The following USP30 variants were observed in gnomAD, a reference collection of about 807,000 sequenced individuals.
The protein encoded by USP30 is ubiquitin specific peptidase 30.
Under a neutral mutation model 68.2 loss-of-function variants are expected in USP30, and 41 were observed. The observed-to-expected ratio is 0.60, with a 90% CI of 0.47 to 0.78. The LOEUF is 0.78. Ranked by LOEUF, USP30 falls within the 30% of genes least tolerant of loss-of-function variation. The pLI, the probability that USP30 is intolerant of heterozygous loss-of-function variation, is 0.00. For synonymous variants in USP30, 229 were observed against 253.7 expected, an observed-to-expected ratio of 0.90 and a Z score of 0.93; for missense variants, 522 against 649.4, an observed-to-expected ratio of 0.80 and a Z score of 2.13.
chr12:109,061,156 C>T lies in USP30; in HGVS notation c.376+3048C>T, dbSNP rs1365357778. Among the ~76,000 whole-genome samples, 3 of 152,126 alleles carry T rather than the reference C, an allele frequency of 2.0e-5. No homozygotes were observed. In the East Asian group the frequency reaches 5.8e-4, roughly 29 times the overall value. On this transcript the variant is annotated intron_variant, in intron 3 of 12. Transcript: ENST00000257548. ...TGTAACAGAAATGTATATGATGTTA[C>T]ATTAGGATTAAAGACAGGAGTATTC... is the stretch of plus-strand genomic sequence containing the variant.
intron 3 of USP30, among the ~76,000 whole-genome samples, chr12:109,031,011 G>C (rs1693720256): frequency 6.6e-6 from 1 of 152,026 alleles, no homozygotes. Flanking sequence ...GCTGAGCAAA[G>C]GGTATACCAG....
chr12:109,077,119 A>C (rs1421653161), intron 7 of USP30, among the ~76,000 whole-genome samples: 1 of 152,092 alleles, frequency 6.6e-6, no homozygotes, highest in Non-Finnish European at 1.5e-5. Flanking sequence ...ATATTATTGA[A>C]TTTGATTTGC....
At chr12:109,080,427 T>G (rs992135780) in intron 7 of USP30, among the ~76,000 whole-genome samples, 4 of 152,248 alleles carry the variant, frequency 2.6e-5, no homozygotes, top group Non-Finnish European at 5.9e-5. Flanking sequence ...CAAACGGTTT[T>G]GTTTTGTTGC....
chr12:109,028,427 CAG>C (rs1382411952), intron 3 of USP30, among the ~76,000 whole-genome samples: 1 of 151,750 alleles, frequency 6.6e-6, no homozygotes, highest in African/African-American at 2.4e-5. Context: ...GGGAGCAAGA[CAG>C]AGAGAGGGGA....
At chr12:109,052,860 G>A in intron 1 of USP30, 99 bp downstream of exon 1, 1 of 1,210,364 alleles carries the variant, frequency 8.3e-7, no homozygotes, top group Non-Finnish European at 1.1e-6. Flanking sequence ...GGTCTCCAGG[G>A]CCCGCGCGGG....
chr12:109,056,753 T>C lies in USP30; in HGVS notation c.155T>C (p.Ile52Thr), dbSNP rs2040889139. 1 of 1,613,258 alleles carries C rather than the reference T, an allele frequency of 6.2e-7. No homozygotes were observed. The highest frequency in any genetic ancestry group is 2.2e-5 in the East Asian group (1 of 44,836). Residue 52 changes from isoleucine (I) to threonine (T), a missense_variant, in exon 2 of 13, where the codon ATT becomes ACT. Transcript: ENST00000257548. ...AAALAAGIYV[I>T]WGPITERKKR... ...GCTCTTGCAGCAGGAATATATGTTA[T>C]TTGGGGTCCCATTACAGAAAGAAAG...
chr12:109,029,941 CATA>C (rs1443475038), intron 3 of USP30, among the ~76,000 whole-genome samples: 1 of 152,162 alleles, frequency 6.6e-6, no homozygotes, highest in Non-Finnish European at 1.5e-5. Flanking sequence ...CCAGCCCTCC[CATA>C]ATCCCTCCTC....
At chr12:109,072,911 G>A (rs908017930) in intron 6 of USP30, among the ~76,000 whole-genome samples, 8 of 152,184 alleles carry the variant, frequency 5.3e-5, no homozygotes, top group Admixed American at 2.0e-4. Flanking sequence ...ACTGAGGCTT[G>A]TAGAGATTAA....
chr12:109,060,553 C>T (rs1242268286), intron 3 of USP30, among the ~76,000 whole-genome samples: 1 of 152,154 alleles, frequency 6.6e-6, no homozygotes, highest in Non-Finnish European at 1.5e-5. Flanking sequence ...AAAAAATGTG[C>T]AACTCGCTGC....
chr12:109,041,073 C>G (rs557810319), intron 3 of USP30, among the ~76,000 whole-genome samples: 1 of 152,214 alleles, frequency 6.6e-6, no homozygotes, highest in East Asian at 1.9e-4. Flanking sequence ...TCTGTTTCCT[C>G]ATCAGTCAAC....
At chr12:109,045,063 C>T (rs1440494329) in intron 3 of USP30, among the ~76,000 whole-genome samples, 4 of 150,294 alleles carry the variant, frequency 2.7e-5, no homozygotes, top group Non-Finnish European at 5.9e-5. Flanking sequence ...CTGCAACCTC[C>T]GCCTCCCGGG....
chr12:109,026,113 T>G (rs2040443103), intron 2 of USP30, among the ~76,000 whole-genome samples: 1 of 152,216 alleles, frequency 6.6e-6, no homozygotes, highest in South Asian at 2.1e-4. Context: ...TCTGGCTCTG[T>G]TGCCCAGGCT....
chr12:109,081,521 T>G (rs866131372), intron 8 of USP30, 128 bp downstream of exon 8: 34 of 913,146 alleles, frequency 3.7e-5, no homozygotes, highest in Middle Eastern at 5.1e-4. Flanking sequence ...GAACCCTCTC[T>G]TAACTTTCAT....
At position 109,086,093 on chromosome 12, in the gene USP30, C is replaced by G; in HGVS notation, c.*162C>G. The G allele has an allele frequency of 9.8e-7, 1 of 1,016,294 alleles. No individual in the cohort carries two copies. The highest frequency in any genetic ancestry group is 1.7e-5 in the South Asian group (1 of 58,708). The allele number at this position is 1,016,294 out of a possible 1,614,324, so 63.0% of individuals were successfully genotyped here. A position where few individuals can be genotyped will look rare whatever the true frequency, so the allele number is the denominator to read the frequency against. ...CCTGGGAGCCAGCCCCAGTTCACAC[C>G]AAACCAGGCTCCCTGAACAGTCCTG... On this transcript the variant is annotated 3_prime_UTR_variant, in exon 13 of 13. Transcript: ENST00000257548.
chr12:109,081,304 T>TG, intron 7 of USP30, 30 bp from the exon 8 acceptor site: 2 of 1,612,658 alleles, frequency 1.2e-6, no homozygotes, highest in East Asian at 4.5e-5. Context: ...GCCTAAATCG[T>TG]TTCTGGATTT....
At chr12:109,055,400 A>ATATATATATTTTTTTT (rs1298811530) in intron 1 of USP30, among the ~76,000 whole-genome samples, 14 of 24,474 alleles carry the variant, frequency 5.7e-4, no homozygotes, top group African/African-American at 1.6e-3. Flanking sequence ...ATATATATAT[A>ATATATATATTTTTTTT]TTTTTTTTTT....
At chr12:109,085,441 C>T (rs2041918981) in intron 12 of USP30, among the ~76,000 whole-genome samples, 3 of 152,122 alleles carry the variant, frequency 2.0e-5, no homozygotes, top group African/African-American at 4.8e-5. Context: ...AACACATACA[C>T]TCATTGATAC....
At chr12:109,071,731 A>G in intron 5 of USP30, 21 bp downstream of exon 5, 1 of 1,603,210 alleles carries the variant, frequency 6.2e-7, no homozygotes, top group Non-Finnish European at 8.5e-7. Context: ...AATATTTCCA[A>G]CACGTTCTGT....
At chr12:109,052,131 C>A (rs1396477487), upstream of USP30, among the ~76,000 whole-genome samples, 2 of 152,184 alleles carry the variant, frequency 1.3e-5, no homozygotes, top group African/African-American at 2.4e-5. Context: ...TAGCTCTATA[C>A]CTGGCACCCA....
Sources: gnomAD v4.1 joint callset for allele counts (sites outside exome capture counted in the v4.1 genomes callset) on GRCh38, gnomAD v4.1.1 for gene constraint, MANE v1.5 for transcripts, NCBI Gene and HGNC (gene_info 2026-07-23, HGNC 2026-07-21) for gene names.